Variants in TANC2 observed in about 807,000 individuals in gnomAD.
The protein encoded by TANC2 is protein TANC2.
Under a neutral mutation model 210.5 loss-of-function variants are expected in TANC2, and 26 were observed. That is an observed-to-expected ratio of 0.12 (90% CI 0.09 to 0.17). The LOEUF is 0.17. Ranked by LOEUF, TANC2 falls within the 10% of genes least tolerant of loss-of-function variation. The pLI, the probability that TANC2 is intolerant of heterozygous loss-of-function variation, is 1.00. For synonymous variants in TANC2, 931 were observed against 967.1 expected (o/e 0.96, Z 0.69); for missense variants, 2,129 against 2,608.9 (o/e 0.82, Z 4.01).
chr17:63,073,944 TGGAG>T lies in TANC2; in HGVS notation c.74_77del (p.Gly25AlafsTer12), dbSNP rs2036486759. On this transcript the variant is annotated frameshift_variant and splice_region_variant, in exon 3 of 28. Transcript: ENST00000689528. LOFTEE classifies it high-confidence loss of function. ...TATGCTCCTTTTAATTTTATGCAGA[TGGAG>T]GGAGCGAGGAACCACCGGATCGAAG... The T allele has an allele frequency of 6.3e-7, 1 of 1,581,730 alleles. No homozygotes were observed. Among genetic ancestry groups the T allele is most frequent in the Non-Finnish European group, 8.6e-7 (1 of 1,163,266 alleles).
chr17:63,037,711 G>A (rs900431624), intron 2 of TANC2, among the ~76,000 whole-genome samples: 1 of 152,124 alleles, frequency 6.6e-6, no homozygotes, highest in African/African-American at 2.4e-5. Context: ...CTACTCGGGA[G>A]TCTGAGGCAG....
intron 4 of TANC2, among the ~76,000 whole-genome samples, chr17:63,111,932 G>A (rs1282298316): frequency 6.6e-6 from 1 of 152,010 alleles, no homozygotes; most frequent in African/African-American, 2.4e-5. Flanking sequence ...CACCATGTTG[G>A]CCAGGATGGT....
At chr17:63,099,309 A>T (rs1292892980) in exon 4 of TANC2, 3 of 1,564,058 alleles carry the variant, frequency 1.9e-6, no homozygotes, top group Middle Eastern at 1.7e-4. Flanking sequence ...CCCCTTACTC[A>T]CACATCAGTC....
At chr17:63,317,098 A>T (rs2045339642) in intron 10 of TANC2, among the ~76,000 whole-genome samples, 3 of 152,124 alleles carry the variant, frequency 2.0e-5, no homozygotes, top group Non-Finnish European at 4.4e-5. Flanking sequence ...TTGTAGTGAT[A>T]ATAAAAAAAC....
intron 2 of TANC2, among the ~76,000 whole-genome samples, chr17:63,027,048 T>G (rs1026312387): frequency 1.3e-5 from 2 of 152,200 alleles, no homozygotes; most frequent in Non-Finnish European, 2.9e-5. Context: ...TCTATTTAGT[T>G]TCTTCCTATC....
In TANC2 at chr17:63,420,453, C is replaced by T; in HGVS notation, c.4723C>T (p.Pro1575Ser). 3.1e-6 allele frequency: 5 copies of T among 1,614,002 alleles called. No homozygotes were observed. Among genetic ancestry groups the T allele is most frequent in the Non-Finnish European group, 3.4e-6 (4 of 1,179,892 alleles). ...TCAGTCCACCTCACCTGCCCTTTCTCCAACTCATCAGAACTCACATTACAG... is the reference window on the plus strand; with the variant it reads ...TCAGTCCACCTCACCTGCCCTTTCTTCAACTCATCAGAACTCACATTACAG... Residue 1575 changes from proline to serine, a missense_variant, in exon 28 of 28, where the codon CCA becomes TCA. By Grantham distance (74) the Pro-to-Ser change is moderately conservative (BLOSUM62 -1). Coordinates refer to ENST00000689528, the Ensembl canonical transcript of TANC2. The surrounding 1 kb of genome is among the most constrained non-coding windows in gnomAD (Gnocchi z 4.2).
chr17:63,243,557 T>C (rs990769989), intron 8 of TANC2, among the ~76,000 whole-genome samples: 1 of 152,198 alleles, frequency 6.6e-6, no homozygotes, highest in African/African-American at 2.4e-5. Flanking sequence ...AGATGTGATA[T>C]TGAACAAAAG....
At chr17:63,162,315 A>C (rs1241048067) in intron 5 of TANC2, among the ~76,000 whole-genome samples, 1 of 151,822 alleles carries the variant, frequency 6.6e-6, no homozygotes, top group Non-Finnish European at 1.5e-5. Flanking sequence ...AAAAAAAAAA[A>C]CAAAACTGAG....
chr17:63,150,188 A>G (rs1385723898), intron 4 of TANC2: 1 of 152,170 alleles, frequency 6.6e-6, no homozygotes, highest in African/African-American at 2.4e-5. Context: ...CTTTTGAGAA[A>G]AGTAATGTGA....
rs559889769 is a variant in TANC2 at position 63,269,793 on chromosome 17, A to G, written c.1159+1920A>G. Among the ~76,000 whole-genome samples, 3 of 152,260 alleles carry G rather than the reference A, an allele frequency of 2.0e-5. No homozygotes were observed. In the South Asian group the frequency reaches 6.2e-4, roughly 32 times the overall value. On this transcript the variant is annotated intron_variant, in intron 9 of 27. Coordinates refer to ENST00000689528, the Ensembl canonical transcript of TANC2. ...CTGGAATGCAACAAAGATCTTTTCC[A>G]TTGCATTGATCTTCAGCCGAAGCAT...
intron 5 of TANC2, among the ~76,000 whole-genome samples, chr17:63,161,503 T>C (rs2040023234): frequency 6.6e-6 from 1 of 152,186 alleles, no homozygotes; most frequent in Non-Finnish European, 1.5e-5. Context: ...CTGCAACACT[T>C]AACACAGTTA....
chr17:63,099,072 C>G, intron 3 of TANC2, 103 bp from the exon 4 acceptor site: 1 of 1,173,532 alleles, frequency 8.5e-7, no homozygotes, highest in Non-Finnish European at 1.2e-6. Context: ...TGATTTTTCA[C>G]AGTGAAAATA....
At chr17:63,074,651 A>G (rs1312182252) in intron 3 of TANC2, among the ~76,000 whole-genome samples, 3 of 152,040 alleles carry the variant, frequency 2.0e-5, no homozygotes, top group African/African-American at 7.2e-5. Flanking sequence ...TTCTCTGTTC[A>G]AAACTAGAAT....
intron 8 of TANC2, among the ~76,000 whole-genome samples, chr17:63,258,965 C>G (rs935858617): frequency 6.6e-6 from 1 of 152,202 alleles, no homozygotes; most frequent in Non-Finnish European, 1.5e-5. Context: ...TGGGTCTCAT[C>G]CAAGGCCTGT....
chr17:63,011,496 T>A (rs1005500494), intron 2 of TANC2, among the ~76,000 whole-genome samples: 7 of 152,174 alleles, frequency 4.6e-5, no homozygotes, highest in Non-Finnish European at 8.8e-5. Context: ...AAAAAATTAT[T>A]TACTGAGAAA....
chr17:63,404,153 T>C (rs2048427784), intron 19 of TANC2, among the ~76,000 whole-genome samples: 1 of 152,206 alleles, frequency 6.6e-6, no homozygotes, highest in African/African-American at 2.4e-5. Context: ...TAAAATGAAG[T>C]ATAACTCCTA....
At chr17:63,287,159 C>T (rs1196916928) in intron 9 of TANC2, among the ~76,000 whole-genome samples, 1 of 152,156 alleles carries the variant, frequency 6.6e-6, no homozygotes, top group East Asian at 1.9e-4. Flanking sequence ...TCTCAAACTC[C>T]TGACCTCAGG....
rs898217208 is a variant in TANC2 at position 62,974,385 on chromosome 17, C to T, written c.-24+7636C>T. Among the ~76,000 whole-genome samples the T allele has an allele frequency of 2.6e-5, 4 of 152,180 alleles. No homozygotes were observed. The South Asian group carries it at 8.3e-4, about 32-fold the overall frequency. On this transcript the variant is annotated intron_variant, in intron 1 of 27. Transcript: ENST00000689528. The stretch of plus-strand genomic sequence containing the variant: ...CGCTCACATCTCAGTTTCTCATATA[C>T]ATTTTTTGCAATAAAAGATCATTGT...
At chr17:63,127,125 C>T (rs1005279691) in intron 4 of TANC2, among the ~76,000 whole-genome samples, 6 of 152,180 alleles carry the variant, frequency 3.9e-5, no homozygotes, top group South Asian at 2.1e-4. Flanking sequence ...TTGTTATTAC[C>T]GCTGGGTATT....
Sources: allele counts gnomAD v4.1 joint callset (sites outside exome capture counted in the v4.1 genomes callset), GRCh38; gene constraint gnomAD v4.1.1; non-coding constraint Gnocchi (gnomAD v3.1); transcripts MANE v1.5; gene names NCBI Gene and HGNC (gene_info 2026-07-23, HGNC 2026-07-21).